Variants in MYO10 observed in about 807,000 individuals in gnomAD.
MYO10 encodes the protein myosin X.
A neutral mutation model predicts 257.3 loss-of-function variants in MYO10; 133 were observed. The observed-to-expected ratio is 0.52, with a 90% CI of 0.45 to 0.60. The LOEUF (loss-of-function observed/expected upper bound fraction) is 0.60. MYO10 is among the 20% of genes least tolerant of loss of function. The pLI is 0.00. For missense variants in MYO10, 2,399 were observed against 2,635.7 expected, an observed-to-expected ratio of 0.91 and a Z score of 1.97; for synonymous variants, 1,104 against 1,028.6, an observed-to-expected ratio of 1.07 and a Z score of -1.40.
intron 40 of MYO10, among the ~76,000 whole-genome samples, chr5:16,667,492 A>G (rs958655004): frequency 3.9e-5 from 6 of 152,136 alleles, no homozygotes; most frequent in African/African-American, 1.4e-4. Context: ...GCCATGCACA[A>G]TCAAAGATCC....
At chr5:16,931,050 T>C (rs1025324137) in intron 1 of MYO10, among the ~76,000 whole-genome samples, 1 of 152,150 alleles carries the variant, frequency 6.6e-6, no homozygotes, top group African/African-American at 2.4e-5. Context: ...GGCAGGCGGA[T>C]CACCTGAGGT....
chr5:16,869,823 C>G (rs1194095868), intron 2 of MYO10, among the ~76,000 whole-genome samples: 1 of 150,734 alleles, frequency 6.6e-6, no homozygotes, highest in Admixed American at 6.6e-5. Flanking sequence ...TGAGATTACA[C>G]CACTGCACTC....
chr5:16,818,381 CGTGTGTGTGT>C lies in MYO10; in HGVS notation c.121-224_121-215del, dbSNP rs66684462. Among the ~76,000 whole-genome samples, 438 of 134,046 alleles carry C rather than the reference CGTGTGTGTGT, an allele frequency of 3.3e-3. 10 individuals are homozygous for C. Among genetic ancestry groups the C allele is most frequent in the African/African-American group, 0.011 (366 of 33,908 alleles). The allele number at this position is 134,046 out of a possible 152,430, so 87.9% of individuals were successfully genotyped here. A position where few individuals can be genotyped will look rare whatever the true frequency, so the allele number is the denominator to read the frequency against. ...GTATGTATGTGTGTGTGTGTGTGTG[CGTGTGTGTGT>C]GTGTGTGTGTGTGTGTGTGTATATA... On this transcript the variant is annotated intron_variant, in intron 2 of 40. Transcript: ENST00000513610.
intron 27 of MYO10, among the ~76,000 whole-genome samples, chr5:16,690,879 A>G (rs1427097208): frequency 6.6e-6 from 1 of 152,088 alleles, no homozygotes; most frequent in East Asian, 1.9e-4. Context: ...AATCAGGGTA[A>G]AACAGCAGCA....
intron 19 of MYO10, among the ~76,000 whole-genome samples, chr5:16,712,103 G>A (rs1234144807): frequency 6.6e-6 from 1 of 151,134 alleles, no homozygotes; most frequent in Non-Finnish European, 1.5e-5. Context: ...CACTGTGGCA[G>A]GTGAGGTGGG....
chr5:16,864,086 A>G (rs1168988120), intron 2 of MYO10, among the ~76,000 whole-genome samples: 1 of 151,910 alleles, frequency 6.6e-6, no homozygotes, highest in Non-Finnish European at 1.5e-5. Context: ...TGACAAAGTG[A>G]GAACCTGTCT....
In MYO10 at chr5:16,775,480, G is replaced by A. The variant is rs555688935; in HGVS notation, c.930+4065C>T. On this transcript the variant is annotated intron_variant, in intron 9 of 40. Transcript: ENST00000513610. ...GTCTTACTCTGTCATCCAGGCTGCA[G>A]TGCAATGGCATGATCATGGCTCACT... 5.9e-5 allele frequency among the ~76,000 whole-genome samples: 9 copies of A among 152,314 alleles called. No individual in the cohort carries two copies. The South Asian group carries it at 1.7e-3, about 28-fold the overall frequency.
intron 1 of MYO10, among the ~76,000 whole-genome samples, chr5:16,922,325 G>A (rs1746011056): frequency 6.6e-6 from 1 of 152,146 alleles, no homozygotes. Context: ...GCACACCTTG[G>A]CCCTTAGCTC....
chr5:16,681,326 T>C lies in MYO10; in HGVS notation c.4367A>G (p.Lys1456Arg). ...CTGGTTACCTGTCTCTTTGAATATCTTCTCATCTGGGGGGACGACAGAGCA... is the reference window on the plus strand; with the variant it reads ...CTGGTTACCTGTCTCTTTGAATATCCTCTCATCTGGGGGGACGACAGAGCA... Reference protein sequence around the residue: ...SLCSVVPPDEKIFKETGYWNV... With the variant: ...SLCSVVPPDERIFKETGYWNV... Residue 1456 changes from lysine (K) to arginine (R), a missense_variant, in exon 32 of 41, where the codon AAG (lysine) becomes AGG (arginine). Physicochemically the swap from Lys to Arg is conservative, Grantham distance 26. Coordinates refer to ENST00000513610, the MANE Select transcript of MYO10 (RefSeq NM_012334.3). 1.9e-6 allele frequency: 3 copies of C among 1,609,672 alleles called. No homozygotes were observed. The highest frequency in any genetic ancestry group is 2.5e-6 in the Non-Finnish European group (3 of 1,178,852).
At chr5:16,794,464 G>C (rs116385026) in intron 4 of MYO10, among the ~76,000 whole-genome samples, 182 bp downstream of exon 4, 62 of 151,452 alleles carry the variant, frequency 4.1e-4, no homozygotes, top group African/African-American at 1.4e-3. Flanking sequence ...CATCTGCTTT[G>C]CTAAGTAAGC....
intron 30 of MYO10, among the ~76,000 whole-genome samples, chr5:16,682,258 C>G (rs908319156): frequency 1.3e-5 from 2 of 152,194 alleles, no homozygotes; most frequent in African/African-American, 4.8e-5. Flanking sequence ...AACATTTCTT[C>G]ATGCAAAACT....
chr5:16,891,320 AAAGGAAGGAAGGAAGGAAGGAAGGAAGG>A (rs59008302), intron 1 of MYO10, among the ~76,000 whole-genome samples: 40 of 88,106 alleles, frequency 4.5e-4, no homozygotes, highest in East Asian at 1.5e-3. Flanking sequence ...GGAGAAGAGA[AAAGGAAGGAAGGAAGGAAGGAAGGAAGG>A]AAGGAAGGAA....
intron 26 of MYO10, among the ~76,000 whole-genome samples, chr5:16,698,778 C>T (rs1374125539): frequency 2.7e-5 from 4 of 150,208 alleles, no homozygotes; most frequent in East Asian, 1.9e-4. Flanking sequence ...AGCCCGCCAC[C>T]GCTCCCGGCT....
chr5:16,683,772 T>G, intron 30 of MYO10, 108 bp downstream of exon 30: 1 of 1,096,228 alleles, frequency 9.1e-7, no homozygotes, highest in Non-Finnish European at 1.3e-6. Context: ...CACACAGCCT[T>G]GCGTGATTTC....
At chr5:16,694,313 G>A in intron 27 of MYO10, 58 bp downstream of exon 27, 1 of 1,606,584 alleles carries the variant, frequency 6.2e-7, no homozygotes, top group Non-Finnish European at 8.5e-7. Context: ...ATGGCTCTAT[G>A]ACCACCAGCA....
chr5:16,752,241 C>T (rs1740397227), intron 19 of MYO10, among the ~76,000 whole-genome samples: 1 of 152,178 alleles, frequency 6.6e-6, no homozygotes, highest in East Asian at 1.9e-4. Flanking sequence ...CTATGGCTCA[C>T]CAGAAACTGT....
chr5:16,793,651 C>T (rs1047491369), intron 4 of MYO10, among the ~76,000 whole-genome samples: 29 of 150,820 alleles, frequency 1.9e-4, no homozygotes, highest in Admixed American at 1.5e-3. Context: ...AAATACTCGC[C>T]GGGAGCGGTG....
At chr5:16,878,988 AAAAAAAAAAG>A (rs559662916) in intron 1 of MYO10, among the ~76,000 whole-genome samples, 426 of 152,114 alleles carry the variant, frequency 2.8e-3, no homozygotes, top group African/African-American at 9.5e-3. Context: ...TGAAATTTAA[AAAAAAAAAAG>A]AAAAAAAAAG....
chr5:16,726,632 G>A (rs1739376416), intron 19 of MYO10, among the ~76,000 whole-genome samples: 1 of 152,164 alleles, frequency 6.6e-6, no homozygotes, highest in South Asian at 2.1e-4. Context: ...TGCAAATTCA[G>A]GAAAGGGGGA....
Sources: allele counts gnomAD v4.1 joint callset (sites outside exome capture counted in the v4.1 genomes callset), GRCh38; gene constraint gnomAD v4.1.1; transcripts MANE v1.5; gene names NCBI Gene and HGNC (gene_info 2026-07-23, HGNC 2026-07-21).